KIF27: variants seen among roughly 807,000 people sequenced by gnomAD.
KIF27 encodes the protein kinesin family member 27, also known as kinesin-like protein KIF27.
A neutral mutation model predicts 141.8 loss-of-function variants in KIF27; 84 were observed. The ratio of observed to expected loss-of-function variants is 0.59; its 90% CI spans 0.50 to 0.71. The LOEUF (loss-of-function observed/expected upper bound fraction) is 0.71. KIF27 is among the 30% of genes least tolerant of loss of function. The pLI is 0.00. For missense variants in KIF27, 1,306 were observed against 1,628.4 expected, an observed-to-expected ratio of 0.80 and a Z score of 3.41; for synonymous variants, 471 against 569.5, an observed-to-expected ratio of 0.83 and a Z score of 2.46.
In KIF27 at chr9:83,887,135, T is replaced by C. The variant is rs192130800; in HGVS notation, c.2145A>G (p.Ser715=). ...GTTTAGCTTCAGTAAGTATGCGTTC[T>C]GAATTCTTTAATTTTTGCAAATTCA... is the stretch of plus-strand genomic sequence containing the variant. ...QELNLQKLKN[S]ERILTEAKQK... The change falls in exon 9 of 18, where the codon TCA becomes TCG. Residue 715 remains serine (S), a synonymous_variant. Transcript: ENST00000297814. 2.8e-5 allele frequency: 45 copies of C among 1,598,320 alleles called. No homozygotes were observed. The East Asian group carries it at 9.7e-4, about 34-fold the overall frequency.
chr9:83,880,851 T>C (rs891139988), intron 10 of KIF27, among the ~76,000 whole-genome samples: 7 of 152,234 alleles, frequency 4.6e-5, no homozygotes, highest in Non-Finnish European at 1.0e-4. Flanking sequence ...CATATACCCC[T>C]AATCTACCTG....
chr9:83,865,189 C>G (rs1439384381), intron 13 of KIF27, among the ~76,000 whole-genome samples: 1 of 152,130 alleles, frequency 6.6e-6, no homozygotes, highest in Non-Finnish European at 1.5e-5. Flanking sequence ...ATTCCCATTA[C>G]TTGGATCTTG....
Position 83,883,899 on chromosome 9 carries a change from T to C in KIF27, c.2359A>G (p.Asn787Asp), listed in dbSNP as rs2132251973. ...ETQKQLQELE[N>D]KDLSDVAMKV... ...ATTGCAACATCAGAAAGATCTTTGT[T>C]TTCCAGCTCCTGTAGCTGCTTTTGT... is the stretch of plus-strand genomic sequence containing the variant. Residue 787 changes from asparagine (N) to aspartate (D), a missense_variant, in exon 10 of 18, where the codon AAC becomes GAC. Physicochemically the swap from Asn to Asp is conservative, Grantham distance 23. Transcript: ENST00000297814. 2 of 1,613,648 alleles carry C rather than the reference T, an allele frequency of 1.2e-6. No homozygotes were observed. Among genetic ancestry groups the C allele is most frequent in the Non-Finnish European group, 1.7e-6 (2 of 1,179,632 alleles).
At chr9:83,910,338 A>G (rs1476479098) in intron 2 of KIF27, among the ~76,000 whole-genome samples, 1 of 152,232 alleles carries the variant, frequency 6.6e-6, no homozygotes, top group Non-Finnish European at 1.5e-5. Flanking sequence ...GGTAAGACCA[A>G]TCTATTTCAC....
At chr9:83,854,642 C>A (rs975827126) in intron 14 of KIF27, among the ~76,000 whole-genome samples, 1 of 152,172 alleles carries the variant, frequency 6.6e-6, no homozygotes, top group Non-Finnish European at 1.5e-5. Context: ...CCCAAGCGAA[C>A]CTCCTACCTT....
chr9:83,843,850 G>A (rs1232743132), intron 16 of KIF27, among the ~76,000 whole-genome samples: 1 of 152,120 alleles, frequency 6.6e-6, no homozygotes, highest in Non-Finnish European at 1.5e-5. Context: ...AGCCTCCGGG[G>A]TAGCTGGGAC....
At chr9:83,891,641 C>T (rs1020258664) in intron 5 of KIF27, 140 bp from the exon 6 acceptor site, 8 of 834,560 alleles carry the variant, frequency 9.6e-6, no homozygotes, top group Non-Finnish European at 1.3e-5. Flanking sequence ...GAGACTAGCT[C>T]TCTGGTGTTC....
At chr9:83,847,592 T>TGAAG (rs1455503435) in intron 16 of KIF27, 1 of 152,372 alleles carries the variant, frequency 6.6e-6, no homozygotes, top group Non-Finnish European at 1.5e-5. Context: ...TCGACTGGAT[T>TGAAG]GAAGGATGCA....
rs113640935 is a variant in KIF27, at chr9:83,860,816, A to G, written c.2935-1445T>C. Among the ~76,000 whole-genome samples the G allele has an allele frequency of 6.7e-5, 10 of 150,168 alleles. 1 individual carries two copies. The highest frequency in any genetic ancestry group is 2.4e-4 in the African/African-American group (10 of 41,032). On this transcript the variant is annotated intron_variant, in intron 13 of 17. Coordinates refer to ENST00000297814, the MANE Select transcript of KIF27 (RefSeq NM_017576.4). ...TCAGAATCCTGAGTCTTCCTTTTTC[A>G]TAGTTTGTGCCCTTATTTTTGTGGA...
rs1947688688 is a variant in KIF27 at position 83,848,130 on chromosome 9, CTCATATA to C, written c.3556+1962_3556+1968del. On this transcript the variant is annotated intron_variant, in intron 16 of 17. Coordinates refer to ENST00000297814, the MANE Select transcript of KIF27 (RefSeq NM_017576.4). ...ATCTCATATCTGATATATCTGATAT[CTCATATA>C]TGATATATCTGATATATCATATATG... is the stretch of plus-strand genomic sequence containing the variant. Among the ~76,000 whole-genome samples, 5 of 19,764 alleles carry C rather than the reference CTCATATA, an allele frequency of 2.5e-4. 1 individual carries two copies. The highest frequency in any genetic ancestry group is 1.2e-3 in the African/African-American group (3 of 2,404). The allele number at this position is 19,764 out of a possible 152,430, so 13.0% of individuals were successfully genotyped here. A position where few individuals can be genotyped will look rare whatever the true frequency, so the allele number is the denominator to read the frequency against.
intron 15 of KIF27, among the ~76,000 whole-genome samples, 158 bp from the exon 16 acceptor site, chr9:83,850,455 T>C (rs999174074): frequency 2.0e-5 from 3 of 152,102 alleles, no homozygotes; most frequent in Non-Finnish European, 4.4e-5. Flanking sequence ...TTGTAACATA[T>C]TCACAAAACA....
intron 11 of KIF27, among the ~76,000 whole-genome samples, chr9:83,874,726 G>A (rs558806871): frequency 1.6e-3 from 237 of 152,104 alleles, no homozygotes; most frequent in Admixed American, 3.3e-3. Context: ...TTGAGCCCAG[G>A]AGTTCGAGAT....
intron 2 of KIF27, among the ~76,000 whole-genome samples, chr9:83,911,292 G>A (rs1955136326): frequency 6.6e-6 from 1 of 152,044 alleles, no homozygotes; most frequent in Admixed American, 6.5e-5. Context: ...GTGCAGTGGT[G>A]CCATCTTGGC....
intron 9 of KIF27, among the ~76,000 whole-genome samples, chr9:83,884,237 G>A (rs1447477702): frequency 2.0e-5 from 3 of 152,004 alleles, no homozygotes; most frequent in African/African-American, 7.2e-5. Flanking sequence ...TCTGCTGCCA[G>A]TCAGTCTCAC....
chr9:83,867,883 G>C (rs35342263), intron 12 of KIF27, 23 bp from the exon 13 acceptor site: 1 of 1,550,944 alleles, frequency 6.4e-7, no homozygotes, highest in East Asian at 2.3e-5. Flanking sequence ...TAAAAAAAAA[G>C]TTACTTGTTT....
chr9:83,886,391 T>C (rs1356467435), intron 9 of KIF27, among the ~76,000 whole-genome samples: 2 of 152,086 alleles, frequency 1.3e-5, no homozygotes, highest in African/African-American at 2.4e-5. Context: ...AATTTGGAGC[T>C]TTCCTAAAAA....
rs1945579683 is a variant in KIF27 at position 83,834,446 on chromosome 9, G to A, written c.*2555C>T. On this transcript the variant is annotated 3_prime_UTR_variant, in exon 18 of 18. Coordinates refer to ENST00000297814, the MANE Select transcript of KIF27 (RefSeq NM_017576.4). ...TAAAGGATATATGTTTAACCAAAAG[G>A]AAGAAAAACACCATACCTTTGTTAT... 6.6e-6 allele frequency among the ~76,000 whole-genome samples: 1 copy of A among 151,912 alleles called. No individual in the cohort carries two copies. The highest frequency in any genetic ancestry group is 6.6e-5 in the Admixed American group (1 of 15,234).
intron 12 of KIF27, among the ~76,000 whole-genome samples, chr9:83,869,736 A>T (rs1950620482): frequency 6.6e-6 from 1 of 152,172 alleles, no homozygotes; most frequent in African/African-American, 2.4e-5. Context: ...CAAAAAAAAT[A>T]AAATATACTC....
intron 11 of KIF27, among the ~76,000 whole-genome samples, chr9:83,875,408 G>A (rs1951134137): frequency 6.6e-6 from 1 of 152,130 alleles, no homozygotes; most frequent in African/African-American, 2.4e-5. Flanking sequence ...ATCATGGAAA[G>A]GTAAGTAAGG....
Sources: gnomAD v4.1 joint callset for allele counts (sites outside exome capture counted in the v4.1 genomes callset) on GRCh38, gnomAD v4.1.1 for gene constraint, MANE v1.5 for transcripts, NCBI Gene and HGNC (gene_info 2026-07-23, HGNC 2026-07-21) for gene names.